The following STX12 variants were observed in gnomAD, a reference collection of about 807,000 sequenced individuals.
STX12 encodes the protein syntaxin 12.
Under a neutral mutation model 42.2 loss-of-function variants are expected in STX12, and 17 were observed. The observed-to-expected ratio is 0.40, with a 90% CI of 0.28 to 0.60. The LOEUF (loss-of-function observed/expected upper bound fraction) is 0.60, where lower values mean the gene tolerates loss of function less well. Among genes scored for constraint, STX12 ranks in the 20% least tolerant of loss-of-function variants. The pLI is 0.39. For synonymous variants in STX12, 108 were observed against 116.7 expected (o/e 0.93, Z 0.48); for missense variants, 297 against 330.9 (o/e 0.90, Z 0.79).
intron 4 of STX12, among the ~76,000 whole-genome samples, chr1:27,803,427 A>G (rs1451469630): frequency 6.6e-6 from 1 of 152,234 alleles, no homozygotes; most frequent in Non-Finnish European, 1.5e-5. Context: ...TTGATGAAGG[A>G]CAATAACTGC....
chr1:27,799,477 G>GTTTTGTTTTTTTTTTTT (rs2088811521), intron 3 of STX12, among the ~76,000 whole-genome samples: 3 of 130,714 alleles, frequency 2.3e-5, no homozygotes, highest in African/African-American at 9.6e-5. Flanking sequence ...TCATTAGCTT[G>GTTTTGTTTTTTTTTTTT]TTTTTTTTTT....
intron 3 of STX12, among the ~76,000 whole-genome samples, chr1:27,796,933 G>A (rs981897554): frequency 2.8e-4 from 43 of 152,088 alleles, no homozygotes; most frequent in Admixed American, 1.4e-3. Flanking sequence ...TTGAACTCCC[G>A]ACCTCAGGTG....
rs2089002440 is a variant in STX12 at position 27,823,940 on chromosome 1, G to A, written c.*1611G>A. ...AAAAACAGTGTGTAGAGATGGCTGAGTGCAATGGCTCACACTTGTAATCCC... is the reference window on the plus strand; with the variant it reads ...AAAAACAGTGTGTAGAGATGGCTGAATGCAATGGCTCACACTTGTAATCCC... On this transcript the variant is annotated 3_prime_UTR_variant, in exon 9 of 9. Coordinates refer to ENST00000373943, the MANE Select transcript of STX12 (RefSeq NM_177424.3). 6.6e-6 allele frequency: 1 copy of A among 152,058 alleles called. No individual in the cohort carries two copies. Among genetic ancestry groups the A allele is most frequent in the African/African-American group, 2.4e-5 (1 of 41,372 alleles). The allele number at this position is 152,058 out of a possible 1,614,324, so 9.4% of individuals were successfully genotyped here.
rs780425718 is a variant in STX12, at chr1:27,822,236, A to T, written c.738A>T (p.Lys246Asn). The change falls in exon 9 of 9, where the codon AAA becomes AAT. Residue 246 changes from lysine to asparagine, a missense_variant. By Grantham distance (94) the Lys-to-Asn change is moderately conservative. Coordinates refer to ENST00000373943, the MANE Select transcript of STX12 (RefSeq NM_177424.3). ...TTACATATTTCTTTCCTCAGAAAAAATCTCGCAAGAAGATGTGTATCCTGG... is the reference window on the plus strand; with the variant it reads ...TTACATATTTCTTTCCTCAGAAAAATTCTCGCAAGAAGATGTGTATCCTGG... ...QLQRAAYYQKKSRKKMCILVL... is the reference protein window; with the variant it reads ...QLQRAAYYQKNSRKKMCILVL... 6.2e-7 allele frequency: 1 copy of T among 1,607,700 alleles called. No individual in the cohort carries two copies. The highest frequency in any genetic ancestry group is 2.2e-5 in the East Asian group (1 of 44,852).
At chr1:27,781,479 C>A (rs1422644427) in intron 1 of STX12, among the ~76,000 whole-genome samples, 1 of 152,122 alleles carries the variant, frequency 6.6e-6, no homozygotes, top group Non-Finnish European at 1.5e-5. Context: ...AAACACATTG[C>A]TTTACCTATT....
At chr1:27,777,615 G>A (rs1393918716) in intron 1 of STX12, among the ~76,000 whole-genome samples, 1 of 152,064 alleles carries the variant, frequency 6.6e-6, no homozygotes. Flanking sequence ...GGCCGGACAC[G>A]GTGACTCACG....
intron 4 of STX12, among the ~76,000 whole-genome samples, chr1:27,807,413 C>T (rs891264226): frequency 8.5e-5 from 13 of 152,200 alleles, no homozygotes; most frequent in South Asian, 4.1e-4. Flanking sequence ...CAAATAAACA[C>T]GTTAGTATTA....
intron 1 of STX12, among the ~76,000 whole-genome samples, chr1:27,779,464 G>C (rs1285997793): frequency 6.6e-6 from 1 of 151,672 alleles, no homozygotes; most frequent in Non-Finnish European, 1.5e-5. Flanking sequence ...CTCCCGAGTT[G>C]CTGGGATTAC....
rs2088996025 is a variant in STX12, at chr1:27,823,139, T to C, written c.*810T>C. ...GCTTTGGAAAAGCAAATAGGAATTG[T>C]TGGGAATGATTTAATCTTGTTGTTG... On this transcript the variant is annotated 3_prime_UTR_variant, in exon 9 of 9. Coordinates refer to ENST00000373943, the MANE Select transcript of STX12 (RefSeq NM_177424.3). The C allele has an allele frequency of 6.6e-6, 1 of 152,220 alleles. No homozygotes were observed. Among genetic ancestry groups the C allele is most frequent in the Admixed American group, 6.5e-5 (1 of 15,274 alleles). 9.4% of individuals were successfully genotyped at this position (152,220 alleles called of 1,614,324 possible). A position where few individuals can be genotyped will look rare whatever the true frequency, so the allele number is the denominator to read the frequency against.
chr1:27,808,724 T>G (rs995333070), intron 4 of STX12, among the ~76,000 whole-genome samples: 1 of 152,170 alleles, frequency 6.6e-6, no homozygotes, highest in Non-Finnish European at 1.5e-5. Flanking sequence ...TACAGCTTGA[T>G]TATAAAGCAT....
chr1:27,787,453 G>A (rs967933013), intron 1 of STX12, among the ~76,000 whole-genome samples: 2 of 152,150 alleles, frequency 1.3e-5, no homozygotes, highest in East Asian at 1.9e-4. Flanking sequence ...GAGGTCAGGA[G>A]TTTGAGACCA....
At chr1:27,775,703 C>T (rs1435058485) in intron 1 of STX12, among the ~76,000 whole-genome samples, 1 of 152,120 alleles carries the variant, frequency 6.6e-6, no homozygotes, top group African/African-American at 2.4e-5. Context: ...ATATAAATAA[C>T]ATGCAGGTAT....
At chr1:27,788,698 C>G (rs1158411667) in intron 1 of STX12, among the ~76,000 whole-genome samples, 3 of 152,086 alleles carry the variant, frequency 2.0e-5, no homozygotes, top group African/African-American at 7.2e-5. Flanking sequence ...AAATACACTT[C>G]CTTACCTGCA....
At chr1:27,818,150 A>C (rs1239780367) in intron 7 of STX12, 1 of 441,602 alleles carries the variant, frequency 2.3e-6, no homozygotes, top group African/African-American at 2.0e-5. Context: ...TGGGAAGCCC[A>C]AGCGGGCAGA....
chr1:27,801,169 C>T (rs1216467853), intron 3 of STX12, among the ~76,000 whole-genome samples: 2 of 152,128 alleles, frequency 1.3e-5, no homozygotes, highest in Admixed American at 6.5e-5. Context: ...GAGGCCGAGG[C>T]GGGCAGATCA....
intron 4 of STX12, among the ~76,000 whole-genome samples, chr1:27,805,813 T>C (rs1339441766): frequency 6.6e-6 from 1 of 152,178 alleles, no homozygotes; most frequent in Admixed American, 6.5e-5. Context: ...AGCAGAAATA[T>C]ACAATTGGAA....
rs546083189 is a variant in STX12, at chr1:27,810,687, G to A, written c.470+398G>A. On this transcript the variant is annotated intron_variant, in intron 5 of 8. Transcript: ENST00000373943. Reference sequence around the variant, plus strand: ...AAAATGGAAGCAACTCATCCTTCTAGGAGTATTAAGAGGGAAACCAGACAA... The same window carrying A: ...AAAATGGAAGCAACTCATCCTTCTAAGAGTATTAAGAGGGAAACCAGACAA... 5.9e-5 allele frequency among the ~76,000 whole-genome samples: 9 copies of A among 152,250 alleles called. 1 individual carries two copies. Among genetic ancestry groups the A allele is most frequent in the Admixed American group, 5.9e-4 (9 of 15,278 alleles).
At chr1:27,817,800 ATCT>A (rs2088953385) in intron 6 of STX12, 48 bp from the exon 7 acceptor site, 2 of 1,561,182 alleles carry the variant, frequency 1.3e-6, no homozygotes, top group Non-Finnish European at 1.8e-6. Context: ...AGGGAAACAA[ATCT>A]TCTAACATGT....
intron 1 of STX12, among the ~76,000 whole-genome samples, chr1:27,783,522 TG>T (rs2088681799): frequency 6.6e-6 from 1 of 152,094 alleles, no homozygotes; most frequent in Non-Finnish European, 1.5e-5. Context: ...TTAGTAGAGA[TG>T]GGGTTTCTCC....
Sources: allele counts gnomAD v4.1 joint callset (sites outside exome capture counted in the v4.1 genomes callset), GRCh38; gene constraint gnomAD v4.1.1; transcripts MANE v1.5; gene names NCBI Gene and HGNC (gene_info 2026-07-23, HGNC 2026-07-21).